DLGAP2: variants seen among roughly 807,000 people sequenced by gnomAD.
DLGAP2 encodes the protein disks large-associated protein 2.
In DLGAP2, 26 loss-of-function variants were observed where a neutral mutation model predicts 100.3. That is an observed-to-expected ratio of 0.26 (90% CI 0.19 to 0.36). The LOEUF is 0.36. Among genes scored for constraint, DLGAP2 ranks in the 10% least tolerant of loss-of-function variants. The pLI, the probability that DLGAP2 is intolerant of heterozygous loss-of-function variation, is 1.00. For missense variants in DLGAP2, 1,858 were observed against 1,453.2 expected (o/e 1.28, Z -4.53); for synonymous variants, 886 against 630.1 (o/e 1.41, Z -6.08).
intron 1 of DLGAP2, among the ~76,000 whole-genome samples, chr8:869,450 G>T (rs1415543443): frequency 1.3e-5 from 2 of 152,124 alleles, no homozygotes; most frequent in East Asian, 3.9e-4. Context: ...TTTGGTTTAC[G>T]TTTGTACGCT....
At chr8:1,604,312 A>G (rs1796724071) in intron 6 of DLGAP2, among the ~76,000 whole-genome samples, 1 of 152,226 alleles carries the variant, frequency 6.6e-6, no homozygotes, top group Non-Finnish European at 1.5e-5. Flanking sequence ...GGTGTTCATT[A>G]TGATTTGCAA....
intron 1 of DLGAP2, among the ~76,000 whole-genome samples, chr8:763,323 G>A (rs559929291): frequency 6.6e-6 from 1 of 152,188 alleles, no homozygotes; most frequent in Non-Finnish European, 1.5e-5. Context: ...GAAGATCACT[G>A]TTACTGTTGT....
intron 1 of DLGAP2, among the ~76,000 whole-genome samples, chr8:749,605 A>T (rs1055447975): frequency 8.5e-5 from 13 of 152,362 alleles, no homozygotes; most frequent in African/African-American, 3.1e-4. Context: ...AGTTACTTAC[A>T]AAAATGTTTG....
intron 3 of DLGAP2, among the ~76,000 whole-genome samples, chr8:1,429,832 A>G (rs938397493): frequency 3.3e-4 from 50 of 150,826 alleles, no homozygotes; most frequent in African/African-American, 1.2e-3. Context: ...TAAAAAAAAT[A>G]AGCAGTATTC....
At chr8:1,195,432 T>C (rs145377855) in intron 2 of DLGAP2, among the ~76,000 whole-genome samples, 6 of 152,328 alleles carry the variant, frequency 3.9e-5, no homozygotes, top group African/African-American at 1.4e-4. Flanking sequence ...TGTTTTTAAA[T>C]GGGAAACAGG....
At chr8:1,483,314 C>T (rs567936922) in intron 3 of DLGAP2, among the ~76,000 whole-genome samples, 2 of 152,284 alleles carry the variant, frequency 1.3e-5, no homozygotes, top group South Asian at 4.1e-4. Context: ...AGGAAGTGAG[C>T]GTGGCGGGCA....
intron 1 of DLGAP2, among the ~76,000 whole-genome samples, chr8:795,708 T>TCA (rs1796014808): frequency 1.4e-5 from 2 of 141,244 alleles, no homozygotes; most frequent in Admixed American, 1.4e-4. Flanking sequence ...AGGCGTCCAG[T>TCA]GAGAGCAGGC....
intron 1 of DLGAP2, among the ~76,000 whole-genome samples, chr8:873,462 G>A (rs138380169): frequency 6.6e-6 from 1 of 152,166 alleles, no homozygotes; most frequent in Non-Finnish European, 1.5e-5. Context: ...TAGTTATGTG[G>A]TTTTCATAGA....
intron 3 of DLGAP2, among the ~76,000 whole-genome samples, chr8:1,417,314 C>T (rs532976107): frequency 2.5e-4 from 38 of 151,776 alleles, no homozygotes; most frequent in African/African-American, 7.8e-4. Flanking sequence ...CTGCGGGGTG[C>T]CCAGGTTCGA....
intron 4 of DLGAP2, among the ~76,000 whole-genome samples, chr8:1,540,180 G>A: frequency 6.6e-6 from 1 of 152,156 alleles, no homozygotes; most frequent in African/African-American, 2.4e-5. Flanking sequence ...CTCTGCCCTG[G>A]TCAAGCCCTC....
intron 2 of DLGAP2, among the ~76,000 whole-genome samples, chr8:1,219,563 T>A (rs1798277052): frequency 6.6e-6 from 1 of 152,276 alleles, no homozygotes; most frequent in Non-Finnish European, 1.5e-5. Flanking sequence ...TCAGGATACT[T>A]AGCACAAGTT....
At chr8:1,539,934 A>G (rs1179214124) in intron 4 of DLGAP2, among the ~76,000 whole-genome samples, 2 of 152,138 alleles carry the variant, frequency 1.3e-5, no homozygotes, top group Non-Finnish European at 2.9e-5. Flanking sequence ...CTCAAGCATC[A>G]GTGGCTTCCC....
At chr8:1,660,174 C>G (rs183013773) in intron 8 of DLGAP2, among the ~76,000 whole-genome samples, 1 of 152,344 alleles carries the variant, frequency 6.6e-6, no homozygotes, top group Non-Finnish European at 1.5e-5. Context: ...TTGGCCCCCA[C>G]TCTCTTCTGG....
chr8:817,960 G>A (rs912137112), intron 1 of DLGAP2, among the ~76,000 whole-genome samples: 2 of 152,182 alleles, frequency 1.3e-5, no homozygotes, highest in Admixed American at 6.5e-5. Context: ...GCTTTCAAGA[G>A]TGCATCAGCT....
At chr8:1,615,448 G>C (rs1232943984) in intron 6 of DLGAP2, among the ~76,000 whole-genome samples, 2 of 152,208 alleles carry the variant, frequency 1.3e-5, no homozygotes, top group Non-Finnish European at 2.9e-5. Context: ...AAAAACTGAT[G>C]TGCTCAAAAC....
intron 2 of DLGAP2, among the ~76,000 whole-genome samples, chr8:1,214,859 G>A (rs368999983): frequency 6.6e-6 from 1 of 152,354 alleles, no homozygotes; most frequent in African/African-American, 2.4e-5. Context: ...ATCTGTTGCT[G>A]TTGTTGTGTT....
intron 2 of DLGAP2, among the ~76,000 whole-genome samples, chr8:1,224,705 A>G (rs375229419): frequency 1.3e-4 from 20 of 152,368 alleles, no homozygotes; most frequent in Admixed American, 2.6e-4. Context: ...AATGAATTAT[A>G]GTGTCTATAA....
rs911027020 is a variant in DLGAP2 at position 1,128,643 on chromosome 8, C to T, written c.74-130208C>T. 1.4e-4 allele frequency among the ~76,000 whole-genome samples: 22 copies of T among 152,314 alleles called. No individual in the cohort carries two copies. In the East Asian group the frequency reaches 2.9e-3, roughly 20 times the overall value. On this transcript the variant is annotated intron_variant, in intron 2 of 14. Transcript: ENST00000637795. ...ACCATGACCAGATTGGCCAACAACA[C>T]GTTTCCCAGAACCTGTCCCTGGTGT...
intron 2 of DLGAP2, among the ~76,000 whole-genome samples, chr8:1,005,245 G>C (rs73538144): frequency 6.6e-6 from 1 of 152,122 alleles, no homozygotes; most frequent in African/African-American, 2.4e-5. Context: ...TGAGGGAACA[G>C]CTGTGGAGCT....
Sources: gnomAD v4.1 joint callset for allele counts (sites outside exome capture counted in the v4.1 genomes callset) on GRCh38, gnomAD v4.1.1 for gene constraint, MANE v1.5 for transcripts, NCBI Gene and HGNC (gene_info 2026-07-23, HGNC 2026-07-21) for gene names.